The following PIAS2 variants were observed in gnomAD, a reference collection of about 807,000 sequenced individuals.
The protein encoded by PIAS2 is E3 SUMO-protein ligase PIAS2.
PIAS2 carries 19 observed loss-of-function variants against 69.7 expected under a neutral mutation model. That is an observed-to-expected ratio of 0.27 (90% CI 0.19 to 0.40). The LOEUF is 0.40. PIAS2 is among the 10% of genes least tolerant of loss of function. PIAS2 has a pLI of 1.00. For missense variants in PIAS2, 624 were observed against 757.0 expected, an observed-to-expected ratio of 0.82 and a Z score of 2.06; for synonymous variants, 261 against 263.2, an observed-to-expected ratio of 0.99 and a Z score of 0.08.
At chr18:46,902,072 G>A (rs1294227072) in intron 1 of PIAS2, among the ~76,000 whole-genome samples, 2 of 151,998 alleles carry the variant, frequency 1.3e-5, no homozygotes, top group African/African-American at 4.8e-5. Flanking sequence ...AAGGTCCCAG[G>A]ATATAAAATC....
chr18:46,832,892 CA>C (rs34958166), intron 9 of PIAS2, among the ~76,000 whole-genome samples: 59 of 105,964 alleles, frequency 5.6e-4, no homozygotes, highest in Admixed American at 8.3e-4. Context: ...CCTCTGTCTC[CA>C]AAAAAAAAAA....
At chr18:46,832,892 C>CAAAAAAAAAAAAAAAAAAA (rs34958166) in intron 9 of PIAS2, among the ~76,000 whole-genome samples, 25 of 105,964 alleles carry the variant, frequency 2.4e-4, no homozygotes, top group East Asian at 1.2e-3. Context: ...CCTCTGTCTC[C>CAAAAAAAAAAAAAAAAAAA]AAAAAAAAAA....
At chr18:46,816,922 C>T (rs1414567994) in intron 12 of PIAS2, 5 of 939,890 alleles carry the variant, frequency 5.3e-6, no homozygotes, top group Non-Finnish European at 5.1e-6. Flanking sequence ...ATTTTGTCTT[C>T]ATATTAATAA....
intron 2 of PIAS2, among the ~76,000 whole-genome samples, chr18:46,873,093 C>T (rs1283241941): frequency 4.6e-5 from 7 of 152,190 alleles, no homozygotes; most frequent in African/African-American, 9.7e-5. Flanking sequence ...CAATTTATCA[C>T]GGCTACCGCC....
At chr18:46,906,136 A>G (rs1447768068) in intron 1 of PIAS2, 1 of 152,176 alleles carries the variant, frequency 6.6e-6, no homozygotes, top group Non-Finnish European at 1.5e-5. Flanking sequence ...AAATTCATTC[A>G]TGATTTTTTA....
intron 2 of PIAS2, among the ~76,000 whole-genome samples, chr18:46,890,275 C>T (rs1434410294): frequency 6.6e-6 from 1 of 152,144 alleles, no homozygotes; most frequent in Non-Finnish European, 1.5e-5. Context: ...GCAGTGATGG[C>T]TGCACAACAT....
intron 8 of PIAS2, 30 bp downstream of exon 8, chr18:46,844,024 T>G (rs760851504): frequency 3.8e-6 from 5 of 1,329,272 alleles, no homozygotes; most frequent in Non-Finnish European, 5.1e-6. Flanking sequence ...AAAAGTCAAA[T>G]TCCCCAAAAT....
Position 46,828,046 on chromosome 18 carries a change from A to G in PIAS2, c.1421T>C (p.Ile474Thr). 3.1e-6 allele frequency: 5 copies of G among 1,613,890 alleles called. No homozygotes were observed. The highest frequency in any genetic ancestry group is 2.2e-5 in the South Asian group (2 of 91,052). The change falls in exon 11 of 14, where the codon ATA becomes ACA. Residue 474 changes from isoleucine to threonine, a missense_variant. By Grantham distance (89) the Ile-to-Thr change is moderately conservative (BLOSUM62 -1). Transcript: ENST00000585916. ...KKKVDVIDLT[I>T]ESSSDEEEDP... ...TTCCTCTTCGTCAGAAGAGCTTTCT[A>G]TTGTAAGATCAATAACATCTACTTT...
upstream of PIAS2, chr18:46,917,633 T>C: frequency 2.4e-6 from 2 of 824,116 alleles, no homozygotes; most frequent in Non-Finnish European, 2.9e-6. Flanking sequence ...CGCCCGCGCC[T>C]GCCCCGGCGT....
chr18:46,855,984 TTC>T (rs1177068628), intron 3 of PIAS2, among the ~76,000 whole-genome samples: 3 of 148,464 alleles, frequency 2.0e-5, no homozygotes, highest in African/African-American at 7.5e-5. Flanking sequence ...GAAGACTTTT[TTC>T]TTTTTCTTTT....
At chr18:46,888,635 T>G (rs2053579662) in intron 2 of PIAS2, among the ~76,000 whole-genome samples, 1 of 152,026 alleles carries the variant, frequency 6.6e-6, no homozygotes, top group Non-Finnish European at 1.5e-5. Context: ...AGGGGAATGG[T>G]TTCTGGATGA....
chr18:46,870,684 A>C (rs1425507405), intron 2 of PIAS2, among the ~76,000 whole-genome samples: 1 of 150,922 alleles, frequency 6.6e-6, no homozygotes, highest in Non-Finnish European at 1.5e-5. Context: ...GTGGGGTAGC[A>C]GATCAAATTG....
At chr18:46,899,077 A>G (rs2055367780) in intron 1 of PIAS2, among the ~76,000 whole-genome samples, 1 of 152,124 alleles carries the variant, frequency 6.6e-6, no homozygotes, top group South Asian at 2.1e-4. Flanking sequence ...CTGAAAAGGT[A>G]TCAATTGTTT....
intron 2 of PIAS2, among the ~76,000 whole-genome samples, chr18:46,884,773 C>A (rs528403817): frequency 6.6e-6 from 1 of 151,972 alleles, no homozygotes; most frequent in Non-Finnish European, 1.5e-5. Context: ...ATAAATTAGC[C>A]GGGCGTGGTG....
chr18:46,845,218 TATGTA>T (rs1233315562), intron 6 of PIAS2, among the ~76,000 whole-genome samples: 1 of 152,186 alleles, frequency 6.6e-6, no homozygotes. Context: ...TTATCGACTT[TATGTA>T]ATGAGGTTCT....
At chr18:46,812,728 TTTAAAAA>T in intron 13 of PIAS2, 116 bp from the exon 14 acceptor site, 1 of 603,942 alleles carries the variant, frequency 1.7e-6, no homozygotes, top group Non-Finnish European at 2.9e-6. Context: ...CCCAGTGGGA[TTTAAAAA>T]TTGCTCAAAA....
rs1435154533 is a variant in PIAS2, at chr18:46,807,395, T to A, written c.*5038A>T. The A allele has an allele frequency of 4.2e-4, 28 of 66,032 alleles. No homozygotes were observed. Among genetic ancestry groups the A allele is most frequent in the Middle Eastern group, 8.5e-3 (1 of 118 alleles). The allele number at this position is 66,032 out of a possible 1,614,324, so 4.1% of individuals were successfully genotyped here. A position where few individuals can be genotyped will look rare whatever the true frequency, so the allele number is the denominator to read the frequency against. On this transcript the variant is annotated 3_prime_UTR_variant, in exon 14 of 14. Transcript: ENST00000585916. ...TATATATATATATATTTTTTTTTTT[T>A]TTTTTTTTTTTTTTTAGAGAGTCTT...
intron 1 of PIAS2, among the ~76,000 whole-genome samples, chr18:46,904,905 A>C (rs1270238709): frequency 6.6e-6 from 1 of 152,210 alleles, no homozygotes; most frequent in Non-Finnish European, 1.5e-5. Context: ...TAATGTTAAA[A>C]TATGGTTTAA....
intron 1 of PIAS2, among the ~76,000 whole-genome samples, chr18:46,896,183 A>T (rs1252338789): frequency 2.0e-5 from 3 of 150,970 alleles, no homozygotes; most frequent in Non-Finnish European, 3.0e-5. Context: ...AAAAAAAAAA[A>T]AATTAATTAG....
Sources: allele counts gnomAD v4.1 joint callset (sites outside exome capture counted in the v4.1 genomes callset), GRCh38; gene constraint gnomAD v4.1.1; transcripts MANE v1.5; gene names NCBI Gene and HGNC (gene_info 2026-07-23, HGNC 2026-07-21).